Variants in DPH1 observed in about 807,000 individuals in gnomAD.
DPH1 encodes 2-(3-amino-3-carboxypropyl)histidine synthase subunit 1.
A neutral mutation model predicts 55.3 loss-of-function variants in DPH1; 59 were observed. The observed-to-expected ratio is 1.07, with a 90% CI of 0.87 to 1.33. The LOEUF (loss-of-function observed/expected upper bound fraction) is 1.33, where lower values mean the gene tolerates loss of function less well. Ranked by LOEUF, DPH1 falls within the 40% of genes most tolerant of loss-of-function variation. The pLI is 0.00. For synonymous variants in DPH1, 238 were observed against 235.5 expected (o/e 1.01, Z -0.10); for missense variants, 628 against 584.8 (o/e 1.07, Z -0.76).
chr17:2,041,635 TC>T lies in DPH1; in HGVS notation c.1227+16del, dbSNP rs1277759903. The T allele has an allele frequency of 6.3e-7, 1 of 1,599,350 alleles. No homozygotes were observed. Among genetic ancestry groups the T allele is most frequent in the Non-Finnish European group, 8.5e-7 (1 of 1,173,932 alleles). ...GCGCGGGGGAAGGTAGGCGGGGGCT[TC>T]CAGGAGGGAGGAGAGACCGCGCCTG... On this transcript the variant is annotated intron_variant, in intron 11 of 12. Transcript: ENST00000263083.
intron 10 of DPH1, 35 bp from the exon 11 acceptor site, chr17:2,041,446 G>A: frequency 6.3e-7 from 1 of 1,576,814 alleles, no homozygotes; most frequent in East Asian, 2.2e-5. Flanking sequence ...GAAAAACACT[G>A]GCAGATGTTA....
intron 9 of DPH1, 125 bp downstream of exon 9, chr17:2,040,730 A>G: frequency 8.8e-7 from 1 of 1,134,192 alleles, no homozygotes; most frequent in Non-Finnish European, 1.3e-6. Flanking sequence ...GTTTACAGAG[A>G]CCTCCCTGGG....
At chr17:2,042,257 G>T (rs2067550561) in intron 12 of DPH1, 4 of 1,408,090 alleles carry the variant, frequency 2.8e-6, no homozygotes, top group African/African-American at 3.0e-5. Context: ...CTCCGGAAAC[G>T]CACTCAGTTT....
chr17:2,033,579 A>G lies in DPH1; in HGVS notation c.136A>G (p.Ile46Val), dbSNP rs758225925. ...GAAGAACCCTCAGCTGCAGGCAGCA[A>G]TCCGGGTCCTGCCTTCCAACTACAA... Reference protein sequence around the residue: ...ILKNPQLQAAIRVLPSNYNFE... With the variant: ...ILKNPQLQAAVRVLPSNYNFE... The change falls in exon 2 of 13, where the codon ATC becomes GTC. Residue 46 changes from isoleucine to valine, a missense_variant. By Grantham distance (29) the Ile-to-Val change is conservative. Coordinates refer to ENST00000263083, the MANE Select transcript of DPH1 (RefSeq NM_001383.6). The G allele has an allele frequency of 1.2e-5, 20 of 1,614,112 alleles. No individual in the cohort carries two copies. The highest frequency in any genetic ancestry group is 1.0e-4 in the Admixed American group (6 of 60,008).
rs559509813 is a variant in DPH1 at position 2,041,826 on chromosome 17, G to C, written c.1286G>C (p.Arg429Thr). 44 of 1,604,878 alleles carry C rather than the reference G, an allele frequency of 2.7e-5. 1 individual carries two copies. In the South Asian group the frequency reaches 4.8e-4, roughly 17 times the overall value. The change falls in exon 12 of 13, where the codon AGG becomes ACG. Residue 429 changes from arginine (R) to threonine (T), a missense_variant. By Grantham distance (71) the Arg-to-Thr change is moderately conservative (BLOSUM62 -1). Coordinates refer to ENST00000263083, the MANE Select transcript of DPH1 (RefSeq NM_001383.6). ...SAVACEDCSC[R>T]DEKVAPLAP ...GTGGCTTGCGAGGACTGCAGCTGCA[G>C]GGACGAGAAGGTGGCGCCGCTGGCT... is the stretch of plus-strand genomic sequence containing the variant.
chr17:2,038,967 C>T (rs1363958135), intron 6 of DPH1: 1 of 152,188 alleles, frequency 6.6e-6, no homozygotes, highest in African/African-American at 2.4e-5. Flanking sequence ...CTCCTTATTT[C>T]ACACGTGAGA....
At chr17:2,040,648 G>C (rs1267716760) in intron 9 of DPH1, 43 bp downstream of exon 9, 1 of 1,600,316 alleles carries the variant, frequency 6.2e-7, no homozygotes, top group Non-Finnish European at 8.6e-7. Flanking sequence ...AAGCTTAGAA[G>C]CTGGGTCTTG....
chr17:2,035,188 A>T (rs571570224), intron 3 of DPH1, among the ~76,000 whole-genome samples: 48 of 152,006 alleles, frequency 3.2e-4, no homozygotes, highest in African/African-American at 1.0e-3. Flanking sequence ...TTCAAGGAAG[A>T]GGGGGTTCTC....
In DPH1 at chr17:2,040,406, G is replaced by A. The variant is rs578060402; in HGVS notation, c.906+32G>A. 3.8e-4 allele frequency: 617 copies of A among 1,613,440 alleles called. 13 individuals are homozygous for A. In the South Asian group the frequency reaches 6.4e-3, roughly 17 times the overall value. ...GGGCTCAGGACAGCCTCTGGAGGAGGGAAGTGACTGGGAACACAGCTGGGA... is the reference window on the plus strand; with the variant it reads ...GGGCTCAGGACAGCCTCTGGAGGAGAGAAGTGACTGGGAACACAGCTGGGA... On this transcript the variant is annotated intron_variant, in intron 8 of 12. Coordinates refer to ENST00000263083, the MANE Select transcript of DPH1 (RefSeq NM_001383.6).
rs534519099 is a variant in DPH1 at position 2,035,852 on chromosome 17, G to A, written c.279-118G>A. On this transcript the variant is annotated intron_variant, in intron 3 of 12. Coordinates refer to ENST00000263083, the MANE Select transcript of DPH1 (RefSeq NM_001383.6). ...GCAGAAGTGGCAGCTGCCATCCCGA[G>A]GAACTGGGAGAGGTAGGGAGAGAGG... 46 of 1,466,996 alleles carry A rather than the reference G, an allele frequency of 3.1e-5. No individual in the cohort carries two copies. In the East Asian group the frequency reaches 1.0e-3, roughly 32 times the overall value. 90.9% of individuals were successfully genotyped at this position (1,466,996 alleles called of 1,614,324 possible). A position where few individuals can be genotyped will look rare whatever the true frequency, so the allele number is the denominator to read the frequency against.
At chr17:2,042,373 C>T (rs2067554503) in intron 12 of DPH1, 15 of 1,307,708 alleles carry the variant, frequency 1.1e-5, no homozygotes, top group East Asian at 2.8e-5. Context: ...GCGACCCATA[C>T]CCTCTTTGCT....
intron 1 of DPH1, 93 bp from the exon 2 acceptor site, chr17:2,033,412 G>T: frequency 6.3e-7 from 1 of 1,590,712 alleles, no homozygotes; most frequent in Non-Finnish European, 8.5e-7. Context: ...CTTGAGCGGG[G>T]GCACCGGCAG....
chr17:2,031,336 G>A (rs530651729), intron 1 of DPH1, among the ~76,000 whole-genome samples: 1 of 152,032 alleles, frequency 6.6e-6, no homozygotes, highest in Non-Finnish European at 1.5e-5. Context: ...TGAGGCGGGC[G>A]GATTACCTGA....
rs1482434553 is a variant in DPH1, at chr17:2,036,851, T to G, written c.575T>G (p.Leu192Arg). 9.3e-6 allele frequency: 15 copies of G among 1,613,560 alleles called. No individual in the cohort carries two copies. The highest frequency in any genetic ancestry group is 1.3e-5 in the Non-Finnish European group (15 of 1,179,930). ...TTCCTACAGGCAGCCGCCCAGGAGC[T>G]GAAAGCCGAGTATCGTGTGAGTGTC... ...VSTLQAAAQELKAEYRVSVPQ... is the reference protein window; with the variant it reads ...VSTLQAAAQERKAEYRVSVPQ... Residue 192 changes from leucine (L) to arginine (R), a missense_variant, in exon 6 of 13, where the codon CTG becomes CGG. Physicochemically the swap from Leu to Arg is moderately radical, Grantham distance 102. Transcript: ENST00000263083. The surrounding 1 kb of genome is among the most constrained non-coding windows in gnomAD (Gnocchi z 4.8).
In DPH1 at chr17:2,038,389, AG is replaced by A. The variant is rs1260456561; in HGVS notation, c.681-1365del. ...ACTGGCCCCAAGAGCTAGTTTGGGC[AG>A]AAAGTAGCCATTGTATGCCCTGCAA... is the stretch of plus-strand genomic sequence containing the variant. On this transcript the variant is annotated intron_variant, in intron 6 of 12. Transcript: ENST00000263083. Among the ~76,000 whole-genome samples, 10 of 152,250 alleles carry A rather than the reference AG, an allele frequency of 6.6e-5. 2 individuals are homozygous for A. Among genetic ancestry groups the A allele is most frequent in the African/African-American group, 2.4e-4 (10 of 41,544 alleles).
At chr17:2,032,608 C>G (rs963874329) in intron 1 of DPH1, among the ~76,000 whole-genome samples, 1 of 152,190 alleles carries the variant, frequency 6.6e-6, no homozygotes, top group African/African-American at 2.4e-5. Flanking sequence ...CCACACAAAG[C>G]AAAAGCCAAA....
intron 1 of DPH1, 75 bp downstream of exon 1, chr17:2,030,305 C>T (rs2067313800): frequency 1.4e-6 from 2 of 1,448,462 alleles, no homozygotes; most frequent in Admixed American, 2.7e-5. Flanking sequence ...CAGGACCAAC[C>T]CCCTTTAACG....
At position 2,033,539 on chromosome 17, in the gene DPH1, C is replaced by T; in HGVS notation, c.96C>T (p.Ile32=). 1.2e-6 allele frequency: 2 copies of T among 1,614,176 alleles called. No individual in the cohort carries two copies. The highest frequency in any genetic ancestry group is 2.2e-5 in the South Asian group (2 of 91,090). The part of the protein sequence containing the change: ...RAPRGRVANQ[I]PPEILKNPQL... ...CTCGGGGCCGCGTGGCCAATCAGAT[C>T]CCCCCTGAGATCCTGAAGAACCCTC... The change falls in exon 2 of 13, where the codon ATC becomes ATT. Residue 32 remains isoleucine (I), a synonymous_variant. Transcript: ENST00000263083.
At chr17:2,040,839 A>G in intron 9 of DPH1, 1 of 626,644 alleles carries the variant, frequency 1.6e-6, no homozygotes, top group Admixed American at 2.8e-5. Flanking sequence ...GGTGGCTGAC[A>G]CCTGCCCTGT....
Sources: allele counts gnomAD v4.1 joint callset (sites outside exome capture counted in the v4.1 genomes callset), GRCh38; gene constraint gnomAD v4.1.1; non-coding constraint Gnocchi (gnomAD v3.1); transcripts MANE v1.5; gene names NCBI Gene and HGNC (gene_info 2026-07-23, HGNC 2026-07-21).